The following FCHSD2 variants were observed in gnomAD, a reference collection of about 807,000 sequenced individuals.
FCHSD2 encodes the protein F-BAR and double SH3 domains protein 2.
In FCHSD2, 38 loss-of-function variants were observed where a neutral mutation model predicts 108.1. That is an observed-to-expected ratio of 0.35 (90% CI 0.27 to 0.46). FCHSD2 has a LOEUF of 0.46. Among genes scored for constraint, FCHSD2 ranks in the 20% least tolerant of loss-of-function variants. The pLI is 1.00. For missense variants in FCHSD2, 751 were observed against 897.8 expected (o/e 0.84, Z 2.09); for synonymous variants, 279 against 314.7 (o/e 0.89, Z 1.20).
intron 8 of FCHSD2, among the ~76,000 whole-genome samples, chr11:72,981,204 C>A (rs952582366): frequency 1.3e-5 from 2 of 152,166 alleles, no homozygotes; most frequent in African/African-American, 4.8e-5. Flanking sequence ...GAGGGACCAA[C>A]CCCTGCCTCT....
intron 8 of FCHSD2, among the ~76,000 whole-genome samples, chr11:72,956,223 C>T (rs1291056723): frequency 6.6e-6 from 1 of 152,078 alleles, no homozygotes; most frequent in African/African-American, 2.4e-5. Flanking sequence ...AATAAACAAG[C>T]ACATAAATGG....
At chr11:72,874,620 A>G (rs1359235916) in intron 12 of FCHSD2, among the ~76,000 whole-genome samples, 1 of 152,244 alleles carries the variant, frequency 6.6e-6, no homozygotes, top group Admixed American at 6.5e-5. Flanking sequence ...AGAAGTATTC[A>G]CTACATTCTA....
chr11:72,910,178 T>C (rs1417572626), intron 9 of FCHSD2, among the ~76,000 whole-genome samples: 3 of 135,918 alleles, frequency 2.2e-5, no homozygotes, highest in East Asian at 2.4e-4. Context: ...CACCTCTGCC[T>C]GGCCGCCCAG....
At chr11:72,900,134 G>A (rs1306699068) in intron 10 of FCHSD2, 1 of 562,926 alleles carries the variant, frequency 1.8e-6, no homozygotes, top group Non-Finnish European at 3.1e-6. Context: ...AACACAGCTG[G>A]TGCATCAGGG....
intron 13 of FCHSD2, among the ~76,000 whole-genome samples, chr11:72,862,034 T>C (rs1861589655): frequency 6.6e-6 from 1 of 151,934 alleles, no homozygotes. Flanking sequence ...AATTACACCA[T>C]ATTAGCAGAC....
At chr11:73,009,993 T>C (rs1400354770) in intron 4 of FCHSD2, among the ~76,000 whole-genome samples, 1 of 152,206 alleles carries the variant, frequency 6.6e-6, no homozygotes, top group Non-Finnish European at 1.5e-5. Context: ...AATAGATTTT[T>C]CTAACCTTCC....
At chr11:72,846,442 C>T (rs1028468008) in intron 14 of FCHSD2, among the ~76,000 whole-genome samples, 9 of 152,098 alleles carry the variant, frequency 5.9e-5, no homozygotes, top group African/African-American at 1.4e-4. Flanking sequence ...GGCCCCGCAA[C>T]GTGCTGGGAT....
chr11:73,061,711 G>A (rs538033126), intron 3 of FCHSD2, among the ~76,000 whole-genome samples: 1 of 152,292 alleles, frequency 6.6e-6, no homozygotes, highest in East Asian at 1.9e-4. Context: ...GTTCGAACTG[G>A]GTGGAGCCCA....
At chr11:73,065,251 A>C (rs891106157) in intron 3 of FCHSD2, among the ~76,000 whole-genome samples, 1 of 152,154 alleles carries the variant, frequency 6.6e-6, no homozygotes, top group African/African-American at 2.4e-5. Flanking sequence ...AATCAATCAC[A>C]AAAAAACACG....
At chr11:73,101,741 C>CTGTTGTGTGT (rs1860231887) in intron 2 of FCHSD2, among the ~76,000 whole-genome samples, 1 of 151,524 alleles carries the variant, frequency 6.6e-6, no homozygotes, top group African/African-American at 2.4e-5. Context: ...CCCCCGCCCC[C>CTGTTGTGTGT]GAAAAAAACA....
intron 10 of FCHSD2, among the ~76,000 whole-genome samples, chr11:72,898,959 G>A (rs1251052418): frequency 6.6e-6 from 1 of 151,834 alleles, no homozygotes. Flanking sequence ...TGCCCAGGCT[G>A]GTCTCGAACT....
intron 9 of FCHSD2, among the ~76,000 whole-genome samples, chr11:72,906,103 G>C (rs1341129735): frequency 2.0e-5 from 3 of 152,098 alleles, no homozygotes; most frequent in Non-Finnish European, 4.4e-5. Flanking sequence ...AGCATCTGTT[G>C]TTTCCTTTTT....
At chr11:72,880,531 T>C (rs1038834701) in intron 12 of FCHSD2, among the ~76,000 whole-genome samples, 1 of 152,074 alleles carries the variant, frequency 6.6e-6, no homozygotes, top group Non-Finnish European at 1.5e-5. Context: ...CTGGGAAAAC[T>C]GAATATCCAC....
chr11:73,119,541 T>C (rs111749204), intron 2 of FCHSD2, among the ~76,000 whole-genome samples: 87 of 152,246 alleles, frequency 5.7e-4, no homozygotes, highest in Middle Eastern at 3.4e-3. Flanking sequence ...TATAGCTCAC[T>C]ATAACCTCAA....
intron 4 of FCHSD2, among the ~76,000 whole-genome samples, chr11:73,006,246 T>C (rs886127748): frequency 3.3e-5 from 5 of 152,134 alleles, no homozygotes; most frequent in Non-Finnish European, 1.5e-5. Flanking sequence ...ACACCTTCCC[T>C]AAACCCTAAC....
chr11:72,916,968 C>CTTTTTTTTTTTT (rs71062793), intron 9 of FCHSD2, among the ~76,000 whole-genome samples: 6 of 118,798 alleles, frequency 5.1e-5, no homozygotes, highest in African/African-American at 2.0e-4. Flanking sequence ...GAACTTCATT[C>CTTTTTTTTTTTT]TTTTTTTTTT....
Position 72,843,185 on chromosome 11 carries a change from T to A in FCHSD2, c.1671A>T (p.Glu557Asp). The A allele has an allele frequency of 6.2e-7, 1 of 1,613,928 alleles. No homozygotes were observed. The highest frequency in any genetic ancestry group is 8.5e-7 in the Non-Finnish European group (1 of 1,179,884). Residue 557 changes from glutamate (E) to aspartate (D), a missense_variant, in exon 16 of 20, where the codon GAA becomes GAT. Transcript: ENST00000409418. The part of the protein sequence containing the change: ...SHTSSNSTEA[E>D]LVSGSLNGDA... ...CTCCGTTGAGGCTGCCTGAAACGAG[T>A]TCTGCTTCCGTGGAATTGCTGGACG... is the stretch of plus-strand genomic sequence containing the variant.
At chr11:72,972,363 GAAA>G (rs994957063) in intron 8 of FCHSD2, among the ~76,000 whole-genome samples, 12 of 152,128 alleles carry the variant, frequency 7.9e-5, no homozygotes, top group African/African-American at 2.9e-4. Context: ...TTGGTAGTTG[GAAA>G]ATCCTGTCTT....
At chr11:72,900,717 T>C (rs1591380956) in intron 10 of FCHSD2, among the ~76,000 whole-genome samples, 1 of 151,420 alleles carries the variant, frequency 6.6e-6, no homozygotes, top group Non-Finnish European at 1.5e-5. Flanking sequence ...GGTTGTAATA[T>C]AGAGGGAAAT....
Sources: allele counts gnomAD v4.1 joint callset (sites outside exome capture counted in the v4.1 genomes callset), GRCh38; gene constraint gnomAD v4.1.1; transcripts MANE v1.5; gene names NCBI Gene and HGNC (gene_info 2026-07-23, HGNC 2026-07-21).